The following DHX29 variants were observed in gnomAD, a reference collection of about 807,000 sequenced individuals.
DHX29 encodes the protein ATP-dependent RNA helicase DHX29.
In DHX29, 79 loss-of-function variants were observed where a neutral mutation model predicts 167.9. That is an observed-to-expected ratio of 0.47 (90% CI 0.39 to 0.57). The LOEUF is 0.57. Among genes scored for constraint, DHX29 ranks in the 20% least tolerant of loss-of-function variants. DHX29 has a pLI of 0.00. For missense variants in DHX29, 1,347 were observed against 1,593.4 expected (o/e 0.85, Z 2.63); for synonymous variants, 530 against 546.0 (o/e 0.97, Z 0.41).
At chr5:55,275,482 T>C (rs2111849329) in intron 14 of DHX29, among the ~76,000 whole-genome samples, 1 of 152,306 alleles carries the variant, frequency 6.6e-6, no homozygotes, top group East Asian at 1.9e-4. Context: ...ACCTCTGGGG[T>C]TTTAGGGCAA....
intron 21 of DHX29, among the ~76,000 whole-genome samples, chr5:55,268,248 C>T (rs1746679849): frequency 6.6e-6 from 1 of 152,080 alleles, no homozygotes; most frequent in Admixed American, 6.6e-5. Context: ...CTGCCGTGAT[C>T]TTTAAAAATA....
chr5:55,283,986 T>A (rs1056351499), intron 10 of DHX29, among the ~76,000 whole-genome samples, 175 bp from the exon 11 acceptor site: 1 of 152,216 alleles, frequency 6.6e-6, no homozygotes, highest in African/African-American at 2.4e-5. Context: ...ACTTGATAGC[T>A]ATATTCATCT....
At chr5:55,296,109 G>C (rs1213158265) in intron 4 of DHX29, 111 bp downstream of exon 4, 1 of 1,178,208 alleles carries the variant, frequency 8.5e-7, no homozygotes, top group Non-Finnish European at 1.2e-6. Flanking sequence ...CACTTTAAAA[G>C]TAAATAATTA....
intron 1 of DHX29, among the ~76,000 whole-genome samples, chr5:55,302,026 T>C (rs1205504447): frequency 6.6e-6 from 1 of 152,246 alleles, no homozygotes; most frequent in African/African-American, 2.4e-5. Context: ...ATTACTGCTA[T>C]GCTATAGTTA....
At position 55,283,524 on chromosome 5, in the gene DHX29, AG is replaced by A. The variant is rs1429344185; in HGVS notation, c.1643del (p.Pro548LeufsTer19). 2 of 1,614,084 alleles carry A rather than the reference AG, an allele frequency of 1.2e-6. No individual in the cohort carries two copies. The highest frequency in any genetic ancestry group is 1.7e-6 in the Non-Finnish European group (2 of 1,180,038). On this transcript the variant is annotated frameshift_variant, in exon 11 of 27. Coordinates refer to ENST00000251636, the MANE Select transcript of DHX29 (RefSeq NM_019030.4). LOFTEE classifies it high-confidence loss of function. ...LESANVEDLEPVRNLFRKLQS... is the reference protein window; with the variant it reads ...LESANVEDLEXVRNLFRKLQS... ...GCAACTTTCTAAAGAGGTTTCTAAC[AG>A]GTTCCAAATCTTCCACATTTGCTGA... is the stretch of plus-strand genomic sequence containing the variant.
At position 55,277,101 on chromosome 5, in the gene DHX29, C is replaced by T; in HGVS notation, c.2286+5G>A. 6.3e-7 allele frequency: 1 copy of T among 1,597,514 alleles called. No individual in the cohort carries two copies. Among genetic ancestry groups the T allele is most frequent in the East Asian group, 2.2e-5 (1 of 44,756 alleles). On this transcript the variant is annotated splice_donor_5th_base_variant and intron_variant, in intron 13 of 26. Transcript: ENST00000251636. Reference sequence around the variant, plus strand: ...GCTTATACACACATTATAAAGAAAACTTACCTCAACAGGATAACTTCTTCC... The same window carrying T: ...GCTTATACACACATTATAAAGAAAATTTACCTCAACAGGATAACTTCTTCC...
Position 55,297,343 on chromosome 5 carries a change from T to C in DHX29, c.317A>G (p.Lys106Arg). 6.3e-7 allele frequency: 1 copy of C among 1,598,334 alleles called. No homozygotes were observed. Among genetic ancestry groups the C allele is most frequent in the South Asian group, 1.1e-5 (1 of 90,058 alleles). ...QRIIGVINEH[K>R]KQNNDKGMIS... ...CATTCCTTTGTCATTATTTTGCTTT[T>C]TATGCTCATTGATCACTCCAATAAT... Residue 106 changes from lysine (K) to arginine (R), a missense_variant, in exon 3 of 27, where the codon AAA becomes AGA. Coordinates refer to ENST00000251636, the MANE Select transcript of DHX29 (RefSeq NM_019030.4).
chr5:55,301,305 T>C (rs1448377709), intron 1 of DHX29, among the ~76,000 whole-genome samples: 2 of 152,074 alleles, frequency 1.3e-5, no homozygotes, highest in Non-Finnish European at 2.9e-5. Flanking sequence ...GCGTGAAAAA[T>C]GGCAAAAACA....
intron 23 of DHX29, among the ~76,000 whole-genome samples, chr5:55,266,194 T>G (rs1202163750): frequency 6.6e-6 from 1 of 151,616 alleles, no homozygotes; most frequent in Admixed American, 6.6e-5. Flanking sequence ...AGATGGGGTT[T>G]CACCATCTTG....
chr5:55,285,251 T>G, intron 10 of DHX29, 42 bp downstream of exon 10: 1 of 1,591,876 alleles, frequency 6.3e-7, no homozygotes, highest in Non-Finnish European at 8.6e-7. Context: ...AATTAAATAC[T>G]GCCTTCCACA....
Position 55,266,770 on chromosome 5 carries a change from CA to C in DHX29, c.3525+367del, listed in dbSNP as rs1746598561. Among the ~76,000 whole-genome samples, 10 of 152,028 alleles carry C rather than the reference CA, an allele frequency of 6.6e-5. No individual in the cohort carries two copies. The South Asian group carries it at 2.1e-3, about 32-fold the overall frequency. On this transcript the variant is annotated intron_variant, in intron 23 of 26. Transcript: ENST00000251636. ...AGCTGGGACTACAGGCGTGTGCTAC[CA>C]TGCCCATTTAATTTTTTTATTTTTG...
chr5:55,283,507 C>A lies in DHX29; in HGVS notation c.1661G>T (p.Arg554Ile), dbSNP rs373066437. The A allele has an allele frequency of 6.2e-7, 1 of 1,614,060 alleles. No individual in the cohort carries two copies. The highest frequency in any genetic ancestry group is 1.3e-5 in the African/African-American group (1 of 74,924). ...ATACTTAGGTGTGCTTTGCAACTTTCTAAAGAGGTTTCTAACAGGTTCCAA... is the reference window on the plus strand; with the variant it reads ...ATACTTAGGTGTGCTTTGCAACTTTATAAAGAGGTTTCTAACAGGTTCCAA... Reference protein sequence around the residue: ...EDLEPVRNLFRKLQSTPKYQK... With the variant: ...EDLEPVRNLFIKLQSTPKYQK... Residue 554 changes from arginine to isoleucine, a missense_variant, in exon 11 of 27, where the codon AGA becomes ATA. This residue lies in a region of DHX29 where 882 missense variants were observed against 1,082.4 expected (regional missense o/e 0.81). Transcript: ENST00000251636.
intron 26 of DHX29, among the ~76,000 whole-genome samples, chr5:55,258,491 T>G (rs942579992): frequency 6.6e-6 from 1 of 152,226 alleles, no homozygotes; most frequent in South Asian, 2.1e-4. Flanking sequence ...ATGTCTGGGG[T>G]AGGTCTTTGG....
chr5:55,307,400 G>C lies in DHX29; in HGVS notation c.174C>G (p.Pro58=). The C allele has an allele frequency of 1.2e-6, 2 of 1,612,974 alleles. No individual in the cohort carries two copies. The highest frequency in any genetic ancestry group is 1.7e-6 in the Non-Finnish European group (2 of 1,179,630). The change falls in exon 1 of 27, where the codon CCC becomes CCG. Residue 58 remains proline, a synonymous_variant. Transcript: ENST00000251636. Reference sequence around the variant, plus strand: ...GACCTCTCGTACCTTGCTTGACACGGGGCTCCCTGGAGCCGGCAGCGGCAG... The same window carrying C: ...GACCTCTCGTACCTTGCTTGACACGCGGCTCCCTGGAGCCGGCAGCGGCAG... The part of the protein sequence containing the change: ...AAAAAAGSRE[P]RVKQGPKIYS...
chr5:55,272,480 C>T (rs1327404123), intron 17 of DHX29, among the ~76,000 whole-genome samples: 1 of 152,152 alleles, frequency 6.6e-6, no homozygotes, highest in Non-Finnish European at 1.5e-5. Flanking sequence ...CGCCTGTAAT[C>T]CCAGCACTTT....
intron 1 of DHX29, among the ~76,000 whole-genome samples, chr5:55,300,296 A>G (rs975847803): frequency 1.3e-5 from 2 of 152,014 alleles, no homozygotes; most frequent in Admixed American, 1.3e-4. Flanking sequence ...CCAGGAGTTC[A>G]AGGCTGCAGT....
chr5:55,298,301 T>C (rs915314509), intron 2 of DHX29, among the ~76,000 whole-genome samples: 3 of 152,120 alleles, frequency 2.0e-5, no homozygotes, highest in Non-Finnish European at 2.9e-5. Flanking sequence ...AAATATTAAG[T>C]AGAGATCAGA....
chr5:55,297,542 C>A, intron 2 of DHX29, 144 bp from the exon 3 acceptor site: 1 of 593,070 alleles, frequency 1.7e-6, no homozygotes. Context: ...TTTTGGACTA[C>A]CACCCATTTG....
chr5:55,256,560 A>C lies in DHX29; in HGVS notation c.4058-20T>G, dbSNP rs377731810. Reference sequence around the variant, plus strand: ...TGTCATCTGAGTGGAAGGAAAAAAAAAAGCCACGAATAAATGCAACATTGT... The same window carrying C: ...TGTCATCTGAGTGGAAGGAAAAAAACAAGCCACGAATAAATGCAACATTGT... On this transcript the variant is annotated intron_variant, in intron 26 of 26. Coordinates refer to ENST00000251636, the MANE Select transcript of DHX29 (RefSeq NM_019030.4). The C allele has an allele frequency of 6.3e-7, 1 of 1,581,022 alleles. No individual in the cohort carries two copies. Among genetic ancestry groups the C allele is most frequent in the Admixed American group, 1.9e-5 (1 of 52,364 alleles).
Sources: gnomAD v4.1 joint callset for allele counts (sites outside exome capture counted in the v4.1 genomes callset) on GRCh38, gnomAD v4.1.1 for gene constraint, gnomAD v4.1.1 regional missense constraint, MANE v1.5 for transcripts, NCBI Gene and HGNC (gene_info 2026-07-23, HGNC 2026-07-21) for gene names.